DCAF8L2: variants seen among roughly 807,000 people sequenced by gnomAD.
DCAF8L2 encodes the protein DDB1- and CUL4-associated factor 8-like protein 2.
For missense variants in DCAF8L2, 430 were observed against 490.7 expected (o/e 0.88, Z 1.17); for synonymous variants, 200 against 190.9 (o/e 1.05, Z -0.39).
intron 3 of DCAF8L2, among the ~76,000 whole-genome samples, chrX:27,707,029 G>A (rs1931366432): frequency 1.8e-5 from 2 of 111,745 alleles, no homozygotes; most frequent in South Asian, 3.7e-4. Context: ...AGCCAGTCAC[G>A]GAAGAACACA....
At chrX:27,539,531 A>G in the DCAF8L2 span, among the ~76,000 whole-genome samples, 1 of 112,001 alleles carries the variant, frequency 8.9e-6, no homozygotes, top group Non-Finnish European at 1.9e-5. Flanking sequence ...AATATTGAAT[A>G]CTACATACAT....
the DCAF8L2 span, among the ~76,000 whole-genome samples, chrX:27,534,295 T>C: frequency 8.9e-6 from 1 of 112,166 alleles, no homozygotes; most frequent in Non-Finnish European, 1.9e-5. Flanking sequence ...AATGTTCTTG[T>C]TTTTATGAAA....
intron 4 of DCAF8L2, among the ~76,000 whole-genome samples, chrX:27,720,378 T>A (rs191289591): frequency 0.026 from 2,920 of 111,057 alleles, 84 homozygotes; most frequent in African/African-American, 0.086. Context: ...TATTATTATT[T>A]TTTTTTGAGA....
the DCAF8L2 span, among the ~76,000 whole-genome samples, chrX:27,564,877 G>T: frequency 9.2e-6 from 1 of 108,993 alleles, no homozygotes; most frequent in Non-Finnish European, 1.9e-5. Flanking sequence ...TAGAAACGGG[G>T]GTGTCCCTAT....
chrX:27,541,108 G>T, the DCAF8L2 span, among the ~76,000 whole-genome samples: 1 of 111,163 alleles, frequency 9.0e-6, no homozygotes, highest in African/African-American at 3.3e-5. Context: ...ATTATTTGGA[G>T]AAATGGCATA....
the DCAF8L2 span, among the ~76,000 whole-genome samples, chrX:27,514,265 A>G: frequency 1.4e-4 from 5 of 36,719 alleles, 1 homozygote; most frequent in Admixed American, 8.6e-4. Flanking sequence ...ATATGTGTGC[A>G]TATGTGCACA....
chrX:27,724,613 A>C (rs1932009574), intron 4 of DCAF8L2, among the ~76,000 whole-genome samples: 1 of 111,345 alleles, frequency 9.0e-6, no homozygotes, highest in Non-Finnish European at 1.9e-5. Context: ...GAATATATTA[A>C]ATTTATCAGG....
intron 1 of DCAF8L2, among the ~76,000 whole-genome samples, chrX:27,596,414 AT>A (rs911362596): frequency 8.9e-6 from 1 of 111,810 alleles, no homozygotes; most frequent in African/African-American, 3.2e-5. Flanking sequence ...TGAGAAGATA[AT>A]TAAAACCTAG....
At chrX:27,479,112 G>T in the DCAF8L2 span, among the ~76,000 whole-genome samples, 2 of 110,382 alleles carry the variant, frequency 1.8e-5, no homozygotes, top group African/African-American at 6.6e-5. Context: ...GGCACTCTCT[G>T]GTTTTTCTCT....
the DCAF8L2 span, among the ~76,000 whole-genome samples, chrX:27,512,097 C>CA: frequency 9.8e-6 from 1 of 102,415 alleles, no homozygotes; most frequent in East Asian, 3.4e-4. Context: ...TCTGCTTCCA[C>CA]AAAAACATAA....
intron 3 of DCAF8L2, among the ~76,000 whole-genome samples, chrX:27,681,273 A>G (rs1433560145): frequency 9.0e-6 from 1 of 111,630 alleles, no homozygotes; most frequent in Non-Finnish European, 1.9e-5. Context: ...TAGACTGTAC[A>G]ATAAAGGTAA....
chrX:27,695,714 G>C (rs1221513340), intron 3 of DCAF8L2, among the ~76,000 whole-genome samples: 1 of 111,211 alleles, frequency 9.0e-6, no homozygotes, highest in East Asian at 2.8e-4. Context: ...CGTGTGTCCT[G>C]ATTAATATAG....
At chrX:27,547,863 C>CTT in the DCAF8L2 span, among the ~76,000 whole-genome samples, 6 of 57,708 alleles carry the variant, frequency 1.0e-4, no homozygotes, top group African/African-American at 3.0e-4. Flanking sequence ...CTCTCTCTCT[C>CTT]TCTCTCTTTC....
chrX:27,681,699 C>T (rs891919782), intron 3 of DCAF8L2, among the ~76,000 whole-genome samples: 1 of 111,470 alleles, frequency 9.0e-6, no homozygotes, highest in Non-Finnish European at 1.9e-5. Context: ...GAACAATTTG[C>T]TATTAAAATA....
chrX:27,504,447 G>C, the DCAF8L2 span, among the ~76,000 whole-genome samples: 2 of 111,387 alleles, frequency 1.8e-5, no homozygotes, highest in African/African-American at 6.5e-5. Context: ...CAAATAGTAG[G>C]ACATGTGTAC....
chrX:27,537,257 C>T, the DCAF8L2 span, among the ~76,000 whole-genome samples: 2 of 112,134 alleles, frequency 1.8e-5, no homozygotes, highest in Middle Eastern at 4.7e-3. Flanking sequence ...AGAATAAAGT[C>T]TTCACTTTAT....
chrX:27,673,402 G>C (rs1273653867), intron 2 of DCAF8L2, among the ~76,000 whole-genome samples: 2 of 106,458 alleles, frequency 1.9e-5, no homozygotes, highest in African/African-American at 6.9e-5. Context: ...CAGCTACTCA[G>C]GAGGCTGAGG....
At chrX:27,544,983 T>G in the DCAF8L2 span, among the ~76,000 whole-genome samples, 1 of 112,316 alleles carries the variant, frequency 8.9e-6, no homozygotes, top group African/African-American at 3.2e-5. Flanking sequence ...AACAGCATTA[T>G]ATTAGGTCTA....
intron 1 of DCAF8L2, among the ~76,000 whole-genome samples, chrX:27,618,112 A>G (rs945031465): frequency 3.6e-5 from 4 of 112,041 alleles, no homozygotes; most frequent in Non-Finnish European, 5.6e-5. Flanking sequence ...TCAATAAAAT[A>G]TGCAAAATGA....
Sources: allele counts gnomAD v4.1 joint callset (sites outside exome capture counted in the v4.1 genomes callset), GRCh38; gene constraint gnomAD v4.1.1; transcripts MANE v1.5; gene names NCBI Gene and HGNC (gene_info 2026-07-23, HGNC 2026-07-21).